The following FANCD2 variants were observed in gnomAD, a reference collection of about 807,000 sequenced individuals.
FANCD2 encodes the protein Fanconi anemia group D2 protein.
Under a neutral mutation model 192.3 loss-of-function variants are expected in FANCD2, and 131 were observed. The ratio of observed to expected loss-of-function variants is 0.68; its 90% CI spans 0.59 to 0.79. The LOEUF is 0.79. Ranked by LOEUF, FANCD2 falls within the 30% of genes least tolerant of loss-of-function variation. The pLI, the probability that FANCD2 is intolerant of heterozygous loss-of-function variation, is 0.00. For missense variants in FANCD2, 1,508 were observed against 1,701.6 expected (o/e 0.89, Z 2.00); for synonymous variants, 524 against 612.5 (o/e 0.86, Z 2.13).
At chr3:10,058,207 G>T in intron 18 of FANCD2, 2 of 283,050 alleles carry the variant, frequency 7.1e-6, no homozygotes, top group South Asian at 4.2e-5. Flanking sequence ...GCCCACTCTT[G>T]TGCTTGTCTC....
intron 41 of FANCD2, 39 bp from the exon 42 acceptor site, chr3:10,096,287 T>G: frequency 6.2e-7 from 1 of 1,610,452 alleles, no homozygotes. Flanking sequence ...GGCATGATGA[T>G]AAACTCACAA....
At chr3:10,030,332 G>A (rs1242670745) in intron 2 of FANCD2, among the ~76,000 whole-genome samples, 3 of 149,134 alleles carry the variant, frequency 2.0e-5, no homozygotes, top group African/African-American at 5.0e-5. Flanking sequence ...CCTGACCTCC[G>A]GTAATCCACC....
At chr3:10,040,361 AC>A in intron 9 of FANCD2, 1 of 397,460 alleles carries the variant, frequency 2.5e-6, no homozygotes, top group South Asian at 1.9e-5. Context: ...TAAATGGTAT[AC>A]CTGTTATGAG....
In FANCD2 at chr3:10,064,844, G is replaced by T. The variant is rs1379595202; in HGVS notation, c.2137G>T (p.Gly713Cys). 14 of 1,613,568 alleles carry T rather than the reference G, an allele frequency of 8.7e-6. No individual in the cohort carries two copies. The highest frequency in any genetic ancestry group is 1.2e-5 in the Non-Finnish European group (14 of 1,179,684). Residue 713 changes from glycine (G) to cysteine (C), a missense_variant, in exon 23 of 44, where the codon GGT (glycine) becomes TGT (cysteine). Transcript: ENST00000675286. Reference protein sequence around the residue: ...LFSQDFAKDGGPVTSQESGQK... With the variant: ...LFSQDFAKDGCPVTSQESGQK... ...TTCTCAGGACTTTGCAAAAGATGGG[G>T]GTCCGGTGACCTCACAGGAATCAGG...
rs2086810682 is a variant in FANCD2 at position 10,039,490 on chromosome 3, T to C, written c.570+133T>C. On this transcript the variant is annotated intron_variant, in intron 8 of 43. Transcript: ENST00000675286. ...ATCCATTAGCTTTTTCCAATTTTCA[T>C]AATTTGAGAATCATAGATACTTCAC... 3.1e-6 allele frequency: 3 copies of C among 970,160 alleles called. No homozygotes were observed. The Admixed American group carries it at 7.5e-5, about 24-fold the overall frequency. 60.1% of individuals were successfully genotyped at this position (970,160 alleles called of 1,614,324 possible).
At position 10,060,354 on chromosome 3, in the gene FANCD2, A is replaced by T; in HGVS notation, c.1717A>T (p.Ile573Phe). Residue 573 changes from isoleucine (I) to phenylalanine (F), a missense_variant, in exon 19 of 44, where the codon ATT becomes TTT. This residue lies in a region of FANCD2 where 110 missense variants were observed against 114.4 expected (regional missense o/e 0.96). Transcript: ENST00000675286. Reference protein sequence around the residue: ...LSSTVFKYKLIGIIGAVTMAG... With the variant: ...LSSTVFKYKLFGIIGAVTMAG... ...TAGCACCGTATTCAAGTACAAGCTCATTGGGATTATTGGTGCTGTGACCAT... is the reference window on the plus strand; with the variant it reads ...TAGCACCGTATTCAAGTACAAGCTCTTTGGGATTATTGGTGCTGTGACCAT... 2 of 1,613,232 alleles carry T rather than the reference A, an allele frequency of 1.2e-6. No homozygotes were observed. Among genetic ancestry groups the T allele is most frequent in the Non-Finnish European group, 1.7e-6 (2 of 1,179,516 alleles).
chr3:10,092,555 A>G (rs752550362), intron 38 of FANCD2, among the ~76,000 whole-genome samples: 1 of 151,266 alleles, frequency 6.6e-6, no homozygotes, highest in Non-Finnish European at 1.5e-5. Context: ...CTGAGCGCAC[A>G]TTCCCTCTTC....
chr3:10,069,459 G>GGCTCCCCCCCCCCCCCCCC (rs758011243), intron 26 of FANCD2, among the ~76,000 whole-genome samples: 2 of 129,432 alleles, frequency 1.5e-5, no homozygotes, highest in African/African-American at 3.9e-5. Flanking sequence ...TAGTTAAGAT[G>GGCTCCCCCCCCCCCCCCCC]CCTCTCCCCC....
chr3:10,060,179 A>AAG (rs2087524886), intron 18 of FANCD2, 115 bp from the exon 19 acceptor site: 1 of 733,810 alleles, frequency 1.4e-6, no homozygotes, highest in African/African-American at 1.8e-5. Context: ...AAAAAAAAAA[A>AAG]AAACAGTTAG....
intron 18 of FANCD2, among the ~76,000 whole-genome samples, chr3:10,057,343 ATTTCTT>A (rs763829963): frequency 2.7e-5 from 4 of 149,494 alleles, no homozygotes; most frequent in Non-Finnish European, 4.5e-5. Flanking sequence ...AAATTTATCT[ATTTCTT>A]TTTCTTTTTC....
chr3:10,064,967 G>A, intron 23 of FANCD2, 92 bp downstream of exon 23: 1 of 1,393,612 alleles, frequency 7.2e-7, no homozygotes, highest in Admixed American at 1.7e-5. Context: ...AGTCAAAAAA[G>A]TTTCTCTCGA....
At chr3:10,051,137 T>C (rs1278596011) in intron 17 of FANCD2, among the ~76,000 whole-genome samples, 1 of 150,178 alleles carries the variant, frequency 6.7e-6, no homozygotes, top group African/African-American at 2.5e-5. Flanking sequence ...TCCCAGCACT[T>C]TGGGAGGCCG....
chr3:10,049,659 C>A (rs1197927768), intron 17 of FANCD2, among the ~76,000 whole-genome samples, 154 bp downstream of exon 17: 1 of 152,188 alleles, frequency 6.6e-6, no homozygotes, highest in Non-Finnish European at 1.5e-5. Flanking sequence ...TTATACCTAA[C>A]CTACAGGCTA....
chr3:10,076,492 A>T lies in FANCD2; in HGVS notation c.2860-1589A>T, dbSNP rs191984293. On this transcript the variant is annotated intron_variant, in intron 29 of 43. Transcript: ENST00000675286. ...TGGACATGCTTGACTTTATTATATG[A>T]CAGAGCATAATAGCTATCCTTTATA... Among the ~76,000 whole-genome samples the T allele has an allele frequency of 1.3e-3, 199 of 152,284 alleles. 3 individuals are homozygous for T. Among genetic ancestry groups the T allele is most frequent in the African/African-American group, 4.5e-3 (187 of 41,554 alleles).
At chr3:10,082,114 A>G (rs1693877678) in intron 32 of FANCD2, among the ~76,000 whole-genome samples, 1 of 152,200 alleles carries the variant, frequency 6.6e-6, no homozygotes, top group Admixed American at 6.5e-5. Context: ...TCCACATCCA[A>G]AATGGAATAT....
chr3:10,028,758 G>A (rs776943888), intron 2 of FANCD2, 37 bp downstream of exon 2: 3 of 1,552,820 alleles, frequency 1.9e-6, no homozygotes, highest in East Asian at 2.2e-5. Flanking sequence ...ATTTCCTGTA[G>A]CAATGTGTGA....
intron 18 of FANCD2, among the ~76,000 whole-genome samples, chr3:10,053,884 T>C (rs769718142): frequency 6.6e-6 from 1 of 152,104 alleles, no homozygotes; most frequent in Non-Finnish European, 1.5e-5. Context: ...AAGAAACATC[T>C]CCATCTAATG....
At chr3:10,068,848 C>A (rs1189616283) in intron 26 of FANCD2, among the ~76,000 whole-genome samples, 2 of 152,134 alleles carry the variant, frequency 1.3e-5, no homozygotes, top group Non-Finnish European at 2.9e-5. Context: ...CATACACCTA[C>A]AATGAACTCA....
chr3:10,063,406 C>T (rs909214729), intron 20 of FANCD2, among the ~76,000 whole-genome samples: 2 of 152,180 alleles, frequency 1.3e-5, no homozygotes, highest in Non-Finnish European at 2.9e-5. Flanking sequence ...TACTATACTC[C>T]AGCCTGGACG....
Sources: gnomAD v4.1 joint callset for allele counts (sites outside exome capture counted in the v4.1 genomes callset) on GRCh38, gnomAD v4.1.1 for gene constraint, gnomAD v4.1.1 regional missense constraint, MANE v1.5 for transcripts, NCBI Gene and HGNC (gene_info 2026-07-23, HGNC 2026-07-21) for gene names.